The following KALRN variants were observed in gnomAD, a reference collection of about 807,000 sequenced individuals.
KALRN encodes kalirin.
KALRN carries 70 observed loss-of-function variants against 353.7 expected under a neutral mutation model. The ratio of observed to expected loss-of-function variants is 0.20; its 90% confidence interval spans 0.16 to 0.24. KALRN has a LOEUF of 0.24. Among genes scored for constraint, KALRN ranks in the 10% least tolerant of loss-of-function variants. The pLI is 1.00. For missense variants in KALRN, 2,791 were observed against 3,756.7 expected (o/e 0.74, Z 6.72); for synonymous variants, 1,391 against 1,434.8 (o/e 0.97, Z 0.69).
intron 1 of KALRN, among the ~76,000 whole-genome samples, chr3:124,095,113 G>A (rs1287460910): frequency 6.6e-6 from 1 of 152,158 alleles, no homozygotes; most frequent in African/African-American, 2.4e-5. Context: ...GGAATCGGGA[G>A]CACAGGGTCA....
chr3:124,083,143 A>G (rs1342186268), intron 1 of KALRN, among the ~76,000 whole-genome samples: 2 of 152,236 alleles, frequency 1.3e-5, no homozygotes, highest in Non-Finnish European at 2.9e-5. Flanking sequence ...GTAGGCACTT[A>G]GTAAATGCTT....
chr3:124,513,426 A>G (rs2066170378), intron 33 of KALRN, among the ~76,000 whole-genome samples: 1 of 152,248 alleles, frequency 6.6e-6, no homozygotes, highest in Middle Eastern at 3.4e-3. Context: ...ACGGGGACCC[A>G]GGTCAGGAGG....
chr3:124,530,751 C>T (rs149547858), intron 33 of KALRN, among the ~76,000 whole-genome samples: 45 of 152,192 alleles, frequency 3.0e-4, no homozygotes, highest in African/African-American at 1.0e-3. Flanking sequence ...TAATTGCATT[C>T]AGTTTGTATT....
chr3:124,633,734 G>T, intron 35 of KALRN, 118 bp from the exon 36 acceptor site: 1 of 810,220 alleles, frequency 1.2e-6, no homozygotes, highest in Non-Finnish European at 2.0e-6. Context: ...CGACTGAACA[G>T]TTAAGAGTGA....
chr3:124,203,478 T>A (rs535104921), intron 1 of KALRN, among the ~76,000 whole-genome samples: 4 of 152,324 alleles, frequency 2.6e-5, no homozygotes, highest in African/African-American at 9.6e-5. Flanking sequence ...GTGCTGTGAT[T>A]AGCATCTTCT....
chr3:124,289,613 C>T (rs2076250710), intron 5 of KALRN, among the ~76,000 whole-genome samples: 1 of 151,554 alleles, frequency 6.6e-6, no homozygotes, highest in South Asian at 2.1e-4. Flanking sequence ...TTATTCTTGT[C>T]AATTATCTGG....
intron 34 of KALRN, among the ~76,000 whole-genome samples, chr3:124,604,837 C>A (rs1410206277): frequency 3.5e-5 from 5 of 144,800 alleles, no homozygotes; most frequent in Non-Finnish European, 7.5e-5. Context: ...CAAGGATGTG[C>A]CATCATGCCT....
At chr3:124,083,162 A>G (rs1289186414) in intron 1 of KALRN, among the ~76,000 whole-genome samples, 1 of 152,186 alleles carries the variant, frequency 6.6e-6, no homozygotes, top group African/African-American at 2.4e-5. Context: ...TTGTTGAGTG[A>G]ATGAAAGCTG....
intron 34 of KALRN, among the ~76,000 whole-genome samples, chr3:124,569,156 C>G (rs1299718966): frequency 6.6e-6 from 1 of 152,062 alleles, no homozygotes; most frequent in African/African-American, 2.4e-5. Flanking sequence ...CTTATGAAAC[C>G]AAGTCCAAGG....
chr3:124,494,539 A>T (rs761971378), intron 32 of KALRN, among the ~76,000 whole-genome samples: 1 of 152,256 alleles, frequency 6.6e-6, no homozygotes, highest in Non-Finnish European at 1.5e-5. Context: ...AATGCGTCAC[A>T]TAAAGTCTTT....
At chr3:124,260,237 T>G (rs2072648196) in intron 3 of KALRN, among the ~76,000 whole-genome samples, 1 of 152,234 alleles carries the variant, frequency 6.6e-6, no homozygotes, top group Non-Finnish European at 1.5e-5. Context: ...TGTTCTGTCC[T>G]TCTACCTTGA....
At chr3:124,519,396 A>G (rs2066974552) in intron 33 of KALRN, 3 of 985,432 alleles carry the variant, frequency 3.0e-6, no homozygotes, top group Non-Finnish European at 3.6e-6. Context: ...ACAGAGTTTC[A>G]TGGAAACCCC....
chr3:124,231,861 T>A (rs1003399117), intron 2 of KALRN, among the ~76,000 whole-genome samples: 14 of 152,230 alleles, frequency 9.2e-5, no homozygotes, highest in African/African-American at 3.4e-4. Flanking sequence ...TCTCTGCTTA[T>A]TGTCCTCTGT....
At chr3:124,387,613 T>C (rs1229002447) in intron 11 of KALRN, among the ~76,000 whole-genome samples, 1 of 152,192 alleles carries the variant, frequency 6.6e-6, no homozygotes, top group African/African-American at 2.4e-5. Flanking sequence ...AAACAGAGAC[T>C]TGAATGAATT....
intron 1 of KALRN, among the ~76,000 whole-genome samples, chr3:124,133,410 G>T (rs1034120642): frequency 1.3e-5 from 2 of 152,226 alleles, no homozygotes; most frequent in African/African-American, 4.8e-5. Context: ...AATTTAGAAC[G>T]ACAGTCGAGG....
chr3:124,128,253 T>C (rs2064904406), intron 1 of KALRN, among the ~76,000 whole-genome samples: 1 of 152,210 alleles, frequency 6.6e-6, no homozygotes, highest in South Asian at 2.1e-4. Flanking sequence ...GATCAGTTTA[T>C]GAACAAAGAA....
intron 34 of KALRN, among the ~76,000 whole-genome samples, chr3:124,593,170 T>A (rs2075970928): frequency 6.6e-6 from 1 of 152,192 alleles, no homozygotes; most frequent in Non-Finnish European, 1.5e-5. Context: ...GGGAAAGGGA[T>A]GTTATCTTTT....
chr3:124,112,027 G>A (rs1442179320), intron 1 of KALRN, among the ~76,000 whole-genome samples: 1 of 152,114 alleles, frequency 6.6e-6, no homozygotes, highest in Non-Finnish European at 1.5e-5. Context: ...ATCCTGGCCG[G>A]GCACGGTGGC....
chr3:124,697,817 T>G, intron 55 of KALRN, 93 bp downstream of exon 55: 1 of 1,273,450 alleles, frequency 7.9e-7, no homozygotes, highest in Non-Finnish European at 1.0e-6. Context: ...AAATTTACCA[T>G]GCTAACCATT....
Sources: gnomAD v4.1 joint callset for allele counts (sites outside exome capture counted in the v4.1 genomes callset) on GRCh38, gnomAD v4.1.1 for gene constraint, MANE v1.5 for transcripts, NCBI Gene and HGNC (gene_info 2026-07-23, HGNC 2026-07-21) for gene names.